Variants in KCNN2 observed in about 807,000 individuals in gnomAD.
KCNN2 encodes the protein small conductance calcium-activated potassium channel protein 2.
KCNN2 carries 24 observed loss-of-function variants against 55.5 expected under a neutral mutation model. The observed-to-expected ratio is 0.43, with a 90% CI of 0.31 to 0.61. KCNN2 has a LOEUF of 0.61. Ranked by LOEUF, KCNN2 falls within the 20% of genes least tolerant of loss-of-function variation. The pLI is 0.08. For synonymous variants in KCNN2, 431 were observed against 336.1 expected, an observed-to-expected ratio of 1.28 and a Z score of -3.09; for missense variants, 754 against 853.6, an observed-to-expected ratio of 0.88 and a Z score of 1.45.
intron 1 of KCNN2, among the ~76,000 whole-genome samples, chr5:114,202,841 C>T (rs980575321): frequency 1.3e-5 from 2 of 152,066 alleles, no homozygotes; most frequent in African/African-American, 2.4e-5. Context: ...CTGCCTTGGC[C>T]TTCCAAAGTT....
At chr5:114,302,902 T>A (rs3101078) in intron 2 of KCNN2, among the ~76,000 whole-genome samples, 2 of 152,310 alleles carry the variant, frequency 1.3e-5, no homozygotes, top group South Asian at 2.1e-4. Flanking sequence ...AACACAAGCC[T>A]CTATGGAATT....
At chr5:114,386,978 A>G (rs997184140) in intron 2 of KCNN2, among the ~76,000 whole-genome samples, 2 of 152,186 alleles carry the variant, frequency 1.3e-5, no homozygotes, top group Non-Finnish European at 2.9e-5. Context: ...CCAGTTAGCA[A>G]TCTTGAAATA....
Position 114,496,377 on chromosome 5 carries a change from C to T in KCNN2, c.*195C>T. On this transcript the variant is annotated 3_prime_UTR_variant, in exon 8 of 8. Transcript: ENST00000673685. ...TTTTCTTTCAGATGCACAGGGAATG[C>T]ACCTATTATTGCTATATAGATTGTT... The T allele has an allele frequency of 1.7e-6, 1 of 582,808 alleles. No individual in the cohort carries two copies. Among genetic ancestry groups the T allele is most frequent in the Non-Finnish European group, 3.0e-6 (1 of 334,160 alleles). 36.1% of individuals were successfully genotyped at this position (582,808 alleles called of 1,614,324 possible). A position where few individuals can be genotyped will look rare whatever the true frequency, so the allele number is the denominator to read the frequency against.
At chr5:114,242,714 G>T (rs1754669454) in intron 2 of KCNN2, among the ~76,000 whole-genome samples, 1 of 152,094 alleles carries the variant, frequency 6.6e-6, no homozygotes, top group Non-Finnish European at 1.5e-5. Flanking sequence ...ACATTTTTGT[G>T]AACATAGAGA....
chr5:114,176,793 T>C (rs531067561), intron 1 of KCNN2, among the ~76,000 whole-genome samples: 1 of 152,296 alleles, frequency 6.6e-6, no homozygotes, highest in African/African-American at 2.4e-5. Flanking sequence ...TGGTTAATGT[T>C]TTATGAGGGC....
At chr5:114,070,493 C>T (rs888886381) in intron 1 of KCNN2, among the ~76,000 whole-genome samples, 3 of 152,210 alleles carry the variant, frequency 2.0e-5, no homozygotes, top group Non-Finnish European at 4.4e-5. Context: ...GAAAAAGCTT[C>T]CCGGGCTGTC....
At chr5:114,137,426 G>A (rs1489517736) in intron 1 of KCNN2, among the ~76,000 whole-genome samples, 3 of 152,010 alleles carry the variant, frequency 2.0e-5, no homozygotes, top group African/African-American at 7.2e-5. Flanking sequence ...ACACATCACA[G>A]GGGGAGGATA....
chr5:114,110,846 C>CTGAA (rs1350042459), intron 1 of KCNN2, among the ~76,000 whole-genome samples: 2 of 152,130 alleles, frequency 1.3e-5, no homozygotes, highest in African/African-American at 4.8e-5. Flanking sequence ...CATTCATTTG[C>CTGAA]TGAATGATGG....
chr5:114,469,261 C>T (rs992723442), intron 4 of KCNN2, among the ~76,000 whole-genome samples: 2 of 152,150 alleles, frequency 1.3e-5, no homozygotes, highest in African/African-American at 4.8e-5. Flanking sequence ...CTCTGCCCCC[C>T]TTAACTTATC....
intron 1 of KCNN2, among the ~76,000 whole-genome samples, chr5:114,166,303 C>A (rs2112537804): frequency 6.6e-6 from 1 of 152,216 alleles, no homozygotes; most frequent in Non-Finnish European, 1.5e-5. Flanking sequence ...CCATAACAAC[C>A]AAGAACAGCT....
chr5:114,365,043 G>C (rs1369840307), intron 2 of KCNN2, among the ~76,000 whole-genome samples: 1 of 151,778 alleles, frequency 6.6e-6, no homozygotes, highest in Non-Finnish European at 1.5e-5. Context: ...AAGTAATTTA[G>C]TATTAATTTA....
chr5:114,408,049 A>G (rs1031388204), intron 3 of KCNN2, among the ~76,000 whole-genome samples: 1 of 152,108 alleles, frequency 6.6e-6, no homozygotes, highest in Non-Finnish European at 1.5e-5. Flanking sequence ...CCACATGCAG[A>G]AGTACTGGTG....
In KCNN2 at chr5:114,210,614, A is replaced by G. The variant is rs149854006; in HGVS notation, c.-270-10866A>G. On this transcript the variant is annotated intron_variant, in intron 1 of 10. Transcript: ENST00000512097. ...TATATGTGAGTGAATTTTGCTATAT[A>G]TAAAACCAAAGTGTGAAAATTAATC... Among the ~76,000 whole-genome samples, 433 of 152,326 alleles carry G rather than the reference A, an allele frequency of 2.8e-3. 1 individual carries two copies. Among genetic ancestry groups the G allele is most frequent in the African/African-American group, 0.01 (416 of 41,586 alleles).
chr5:114,261,918 A>G (rs1202269032), intron 2 of KCNN2, among the ~76,000 whole-genome samples: 2 of 152,324 alleles, frequency 1.3e-5, no homozygotes, highest in African/African-American at 4.8e-5. Flanking sequence ...TGGTTGGTCA[A>G]TAATAAACTG....
chr5:114,362,609 A>T lies in KCNN2; in HGVS notation c.470A>T (p.Tyr157Phe). Reference sequence around the variant, plus strand: ...CAGCAGTCGGCGTCCGCCTCCCAGTACCACCAGTGCCACAGCCTGCAGCCC... The same window carrying T: ...CAGCAGTCGGCGTCCGCCTCCCAGTTCCACCAGTGCCACAGCCTGCAGCCC... ...SAQQSASASQYHQCHSLQPAA... is the reference protein window; with the variant it reads ...SAQQSASASQFHQCHSLQPAA... Residue 157 changes from tyrosine to phenylalanine, a missense_variant, in exon 1 of 8, where the codon TAC (tyrosine) becomes TTC (phenylalanine). Tyr to Phe is a conservative substitution (Grantham distance 22). Transcript: ENST00000673685. 2 of 900,972 alleles carry T rather than the reference A, an allele frequency of 2.2e-6. No homozygotes were observed. Among genetic ancestry groups the T allele is most frequent in the Admixed American group, 3.2e-5 (1 of 31,562 alleles). The allele number at this position is 900,972 out of a possible 1,614,324, so 55.8% of individuals were successfully genotyped here.
At chr5:114,131,601 T>A (rs1188319821) in intron 1 of KCNN2, among the ~76,000 whole-genome samples, 5 of 152,206 alleles carry the variant, frequency 3.3e-5, no homozygotes, top group Non-Finnish European at 1.5e-5. Flanking sequence ...CACGCATGCA[T>A]ATATCATCAT....
chr5:114,187,504 G>A (rs2112559318), intron 1 of KCNN2, among the ~76,000 whole-genome samples: 1 of 111,864 alleles, frequency 8.9e-6, no homozygotes, highest in African/African-American at 3.2e-5. Context: ...TGGTATCTCT[G>A]GCTTTTTTTT....
intron 1 of KCNN2, among the ~76,000 whole-genome samples, chr5:114,201,361 G>A (rs893853664): frequency 1.3e-5 from 2 of 152,070 alleles, no homozygotes; most frequent in Non-Finnish European, 2.9e-5. Flanking sequence ...CTCAAACATG[G>A]TCCAAGAGTG....
chr5:114,397,604 C>A (rs1350334482), intron 2 of KCNN2, among the ~76,000 whole-genome samples: 1 of 152,148 alleles, frequency 6.6e-6, no homozygotes, highest in African/African-American at 2.4e-5. Flanking sequence ...CCAGGCTGGT[C>A]TTGAACTCTT....
Sources: gnomAD v4.1 joint callset for allele counts (sites outside exome capture counted in the v4.1 genomes callset) on GRCh38, gnomAD v4.1.1 for gene constraint, MANE v1.5 for transcripts, NCBI Gene and HGNC (gene_info 2026-07-23, HGNC 2026-07-21) for gene names.